NCAM1: variants seen among roughly 807,000 people sequenced by gnomAD.
NCAM1 encodes neural cell adhesion molecule 1, also known as antigen recognized by monoclonal antibody 5.1H11.
Under a neutral mutation model 109.8 loss-of-function variants are expected in NCAM1, and 14 were observed. The ratio of observed to expected loss-of-function variants is 0.13; its 90% CI spans 0.08 to 0.20. NCAM1 has a LOEUF of 0.20. Ranked by LOEUF, NCAM1 falls within the 10% of genes least tolerant of loss-of-function variation. The pLI is 1.00. For missense variants in NCAM1, 774 were observed against 1,109.9 expected (o/e 0.70, Z 4.30); for synonymous variants, 418 against 442.9 (o/e 0.94, Z 0.70).
At chr11:113,013,150 G>A (rs1372841852) in intron 1 of NCAM1, among the ~76,000 whole-genome samples, 1 of 152,018 alleles carries the variant, frequency 6.6e-6, no homozygotes, top group Non-Finnish European at 1.5e-5. Flanking sequence ...AAGAAGGCGG[G>A]GTGCAGAGGC....
At chr11:113,231,884 C>T (rs1260745354) in intron 10 of NCAM1, 89 bp downstream of exon 10, 27 of 1,517,584 alleles carry the variant, frequency 1.8e-5, no homozygotes, top group Non-Finnish European at 2.3e-5. Context: ...GACCTATGTG[C>T]ACCCTGTGTG....
At chr11:113,244,646 TGTGTGTGC>T (rs1555119802) in intron 14 of NCAM1, among the ~76,000 whole-genome samples, 12 of 50,430 alleles carry the variant, frequency 2.4e-4, no homozygotes, top group African/African-American at 8.0e-4. Flanking sequence ...TTTGCTTCTG[TGTGTGTGC>T]GTGTGTGTGT....
chr11:113,108,451 G>C (rs1223183811), intron 1 of NCAM1, among the ~76,000 whole-genome samples: 1 of 152,148 alleles, frequency 6.6e-6, no homozygotes, highest in Non-Finnish European at 1.5e-5. Flanking sequence ...CAGATTTAGA[G>C]AGGAAGATAC....
Position 113,273,233 on chromosome 11 carries a change from C to T in NCAM1, c.2456+1357C>T, listed in dbSNP as rs1482136898. 1.1e-5 allele frequency: 4 copies of T among 363,278 alleles called. No individual in the cohort carries two copies. The highest frequency in any genetic ancestry group is 2.2e-5 in the Non-Finnish European group (4 of 183,418). The allele number at this position is 363,278 out of a possible 1,614,324, so 22.5% of individuals were successfully genotyped here. A position where few individuals can be genotyped will look rare whatever the true frequency, so the allele number is the denominator to read the frequency against. The stretch of plus-strand genomic sequence containing the variant: ...ACCTGAGCGACACCCCGACCTCAAC[C>T]CCTGCCGCTAGCAATTTGTCTTCTA... On this transcript the variant is annotated intron_variant, in intron 19 of 19. Transcript: ENST00000316851. This position sits in a 1 kb window ranked among gnomAD's most constrained non-coding sequence, Gnocchi z 6.0.
At chr11:113,194,960 G>A (rs1260074308) in intron 1 of NCAM1, among the ~76,000 whole-genome samples, 3 of 152,162 alleles carry the variant, frequency 2.0e-5, no homozygotes, top group Non-Finnish European at 4.4e-5. Flanking sequence ...CCCCAACTAC[G>A]CTGATGGAAG....
Position 113,186,283 on chromosome 11 carries a change from T to C in NCAM1, c.53-16096T>C, listed in dbSNP as rs1174335065. Among the ~76,000 whole-genome samples, 13 of 152,270 alleles carry C rather than the reference T, an allele frequency of 8.5e-5. No individual in the cohort carries two copies. In the East Asian group the frequency reaches 2.1e-3, roughly 25 times the overall value. On this transcript the variant is annotated intron_variant, in intron 1 of 19. Coordinates refer to ENST00000316851, the MANE Select transcript of NCAM1 (RefSeq NM_181351.5). ...GTTCAGCAGCAGCATTAGATTCTCATAGAAGTGCGTGCGAGGGTTCTAGGT... is the reference window on the plus strand; with the variant it reads ...GTTCAGCAGCAGCATTAGATTCTCACAGAAGTGCGTGCGAGGGTTCTAGGT...
chr11:113,066,389 A>T (rs149372751), intron 1 of NCAM1, among the ~76,000 whole-genome samples: 3 of 152,332 alleles, frequency 2.0e-5, no homozygotes, highest in African/African-American at 7.2e-5. Flanking sequence ...CTAATTACGT[A>T]AGGCTTTGAC....
chr11:113,005,836 A>C (rs1555073216), intron 1 of NCAM1, among the ~76,000 whole-genome samples: 2 of 152,230 alleles, frequency 1.3e-5, no homozygotes, highest in African/African-American at 4.8e-5. Flanking sequence ...AGCACATTAA[A>C]ACATATCCTT....
intron 2 of NCAM1, 87 bp from the exon 3 acceptor site, chr11:113,204,199 C>T (rs1555112412): frequency 9.1e-7 from 1 of 1,100,764 alleles, no homozygotes; most frequent in Non-Finnish European, 1.3e-6. Context: ...TGTTCAGTAA[C>T]TCTTACTGAT....
rs199893109 is a variant in NCAM1, at chr11:113,025,778, CGAGAGAGAGA to C, written c.52+64150_52+64159del. ...ATGAGATTGGAACGACACAGGGAGC[CGAGAGAGAGA>C]GAGAGAGAGAGAGAGAGAGAGAGAG... On this transcript the variant is annotated intron_variant, in intron 1 of 19. Transcript: ENST00000316851. Among the ~76,000 whole-genome samples the C allele has an allele frequency of 1.1e-3, 125 of 118,868 alleles. 2 individuals carry two copies. Among genetic ancestry groups the C allele is most frequent in the South Asian group, 5.1e-3 (19 of 3,696 alleles). The allele number at this position is 118,868 out of a possible 152,430, so 78.0% of individuals were successfully genotyped here.
intron 17 of NCAM1, chr11:113,265,089 T>A: frequency 1.0e-6 from 1 of 985,410 alleles, no homozygotes; most frequent in Non-Finnish European, 1.2e-6. Flanking sequence ...CAGGTTTGGA[T>A]CATGTTTTTC....
At chr11:113,138,847 C>T (rs1860288416) in intron 1 of NCAM1, among the ~76,000 whole-genome samples, 1 of 152,192 alleles carries the variant, frequency 6.6e-6, no homozygotes, top group East Asian at 1.9e-4. Context: ...TAACATCATA[C>T]AGTTTTAGTG....
intron 1 of NCAM1, among the ~76,000 whole-genome samples, chr11:113,186,666 G>T (rs1028420298): frequency 6.6e-6 from 1 of 152,190 alleles, no homozygotes; most frequent in Non-Finnish European, 1.5e-5. Flanking sequence ...GGTGTTTCAT[G>T]GGAGAAAGAA....
Position 113,266,093 on chromosome 11 carries a change from G to C in NCAM1, c.2132-4095G>C, listed in dbSNP as rs2137723034. On this transcript the variant is annotated intron_variant, in intron 17 of 19. Transcript: ENST00000316851. ...GCACAGGTGAGTTAGTCAAGGGAGG[G>C]CTGAGGGAAGACCATAGCAAAGACA... Among the ~76,000 whole-genome samples the C allele has an allele frequency of 1.3e-5, 2 of 152,302 alleles. 1 individual carries two copies. The highest frequency in any genetic ancestry group is 3.9e-4 in the East Asian group (2 of 5,186).
chr11:113,213,390 A>G (rs1240471910), intron 7 of NCAM1, among the ~76,000 whole-genome samples: 2 of 152,218 alleles, frequency 1.3e-5, no homozygotes, highest in Admixed American at 1.3e-4. Flanking sequence ...TAATGTTTTA[A>G]CATTTAACTT....
At chr11:113,220,600 C>CTGTTTT (rs1336984958) in intron 8 of NCAM1, among the ~76,000 whole-genome samples, 1 of 102,376 alleles carries the variant, frequency 9.8e-6, no homozygotes, top group African/African-American at 5.8e-5. Flanking sequence ...CTCTCTCTCT[C>CTGTTTT]TCTTTTTTTT....
chr11:113,263,246 T>C, intron 17 of NCAM1: 1 of 1,051,538 alleles, frequency 9.5e-7, no homozygotes, highest in Non-Finnish European at 1.1e-6. Flanking sequence ...CTGCTACTTG[T>C]TGCATTTTGG....
intron 1 of NCAM1, among the ~76,000 whole-genome samples, chr11:113,073,457 G>A (rs1395546440): frequency 6.6e-6 from 1 of 152,184 alleles, no homozygotes; most frequent in African/African-American, 2.4e-5. Context: ...CCACAGGAGT[G>A]CCTCTATGGG....
chr11:113,235,500 T>G (rs1274657012), intron 14 of NCAM1, among the ~76,000 whole-genome samples: 1 of 152,170 alleles, frequency 6.6e-6, no homozygotes, highest in Admixed American at 6.5e-5. Context: ...GAAAGTTGCT[T>G]TTCGACAGGC....
Sources: allele counts gnomAD v4.1 joint callset (sites outside exome capture counted in the v4.1 genomes callset), GRCh38; gene constraint gnomAD v4.1.1; non-coding constraint Gnocchi (gnomAD v3.1); transcripts MANE v1.5; gene names NCBI Gene and HGNC (gene_info 2026-07-23, HGNC 2026-07-21).